The following PCDHGB3 variants were observed in gnomAD, a reference collection of about 807,000 sequenced individuals.
The protein encoded by PCDHGB3 is protocadherin gamma-B3.
Under a neutral mutation model 59.2 loss-of-function variants are expected in PCDHGB3, and 40 were observed. The ratio of observed to expected loss-of-function variants is 0.68; its 90% CI spans 0.52 to 0.88. The LOEUF is 0.88. Among genes scored for constraint, PCDHGB3 ranks in the 40% least tolerant of loss-of-function variants. The probability of loss-of-function intolerance (pLI) is 0.00; values close to 1 mark genes in which losing one functional copy is unlikely to be tolerated. For synonymous variants in PCDHGB3, 581 were observed against 503.6 expected, an observed-to-expected ratio of 1.15 and a Z score of -2.06; for missense variants, 1,309 against 1,187.9, an observed-to-expected ratio of 1.10 and a Z score of -1.50.
At chr5:141,435,103 G>A (rs1468698388) in intron 1 of PCDHGB3, among the ~76,000 whole-genome samples, 2 of 151,914 alleles carry the variant, frequency 1.3e-5, no homozygotes, top group African/African-American at 2.4e-5. Flanking sequence ...TTTATCTAGG[G>A]GGGAGAAATC....
chr5:141,395,182 C>A (rs143509166), intron 1 of PCDHGB3: 1 of 1,614,114 alleles, frequency 6.2e-7, no homozygotes, highest in South Asian at 1.1e-5. Context: ...AAAAATGATT[C>A]TTTGTTAACA....
chr5:141,474,557 G>A (rs1261720500), intron 1 of PCDHGB3, among the ~76,000 whole-genome samples: 1 of 152,184 alleles, frequency 6.6e-6, no homozygotes, highest in African/African-American at 2.4e-5. Context: ...AAAACTGGGG[G>A]TTTTCAGAGA....
intron 2 of PCDHGB3, among the ~76,000 whole-genome samples, chr5:141,502,654 C>T (rs1424933188): frequency 6.6e-6 from 1 of 152,230 alleles, no homozygotes; most frequent in South Asian, 2.1e-4. Context: ...TAGGCAGCAA[C>T]CCTTCATGCA....
At chr5:141,394,657 G>A (rs1179529074) in intron 1 of PCDHGB3, 2 of 1,613,220 alleles carry the variant, frequency 1.2e-6, no homozygotes, top group East Asian at 2.2e-5. Flanking sequence ...AGCGAGCCGG[G>A]ACTCTTCTCG....
At chr5:141,404,910 CT>C (rs1185141572) in intron 1 of PCDHGB3, 10 of 1,613,936 alleles carry the variant, frequency 6.2e-6, no homozygotes, top group Non-Finnish European at 8.5e-6. Flanking sequence ...GGCCAGCCCC[CT>C]CTCTCGGCCA....
intron 1 of PCDHGB3, chr5:141,420,034 C>T (rs373590502): frequency 7.8e-5 from 126 of 1,613,970 alleles, no homozygotes; most frequent in Non-Finnish European, 9.3e-5. Context: ...CTGCAGGAGA[C>T]TGCTTTGAGT....
At chr5:141,457,715 CA>C (rs2098928510) in intron 1 of PCDHGB3, among the ~76,000 whole-genome samples, 2 of 152,212 alleles carry the variant, frequency 1.3e-5, no homozygotes, top group Non-Finnish European at 2.9e-5. Flanking sequence ...CACTGTTCCA[CA>C]AGGAATTTCA....
intron 1 of PCDHGB3, chr5:141,374,885 G>T: frequency 6.2e-7 from 1 of 1,613,628 alleles, no homozygotes; most frequent in South Asian, 1.1e-5. Flanking sequence ...GACTGCCACC[G>T]ACCAGGATGA....
rs1340147578 is a variant in PCDHGB3, at chr5:141,487,141, T to C, written c.2416-7666T>C. On this transcript the variant is annotated intron_variant, in intron 1 of 3. Transcript: ENST00000576222. This position sits in a 1 kb window ranked among gnomAD's most constrained non-coding sequence, Gnocchi z 5.0. ...AGGATAGTGGTAGTCCACCACTCTCTACCTCTGTTACTCTCTTAGTGTCCT... is the reference window on the plus strand; with the variant it reads ...AGGATAGTGGTAGTCCACCACTCTCCACCTCTGTTACTCTCTTAGTGTCCT... The C allele has an allele frequency of 1.2e-6, 2 of 1,613,882 alleles. No individual in the cohort carries two copies. Among genetic ancestry groups the C allele is most frequent in the African/African-American group, 2.7e-5 (2 of 74,934 alleles).
At chr5:141,496,617 A>G (rs2099769939) in intron 2 of PCDHGB3, among the ~76,000 whole-genome samples, 2 of 152,236 alleles carry the variant, frequency 1.3e-5, no homozygotes, top group Admixed American at 1.3e-4. Flanking sequence ...AAAAAGCAGC[A>G]GATCAAAAGG....
chr5:141,461,347 G>C (rs2154567331), intron 1 of PCDHGB3, among the ~76,000 whole-genome samples: 1 of 152,242 alleles, frequency 6.6e-6, no homozygotes, highest in Admixed American at 6.5e-5. Flanking sequence ...GGACCAAGGT[G>C]GTAGCTCGTT....
At chr5:141,469,362 G>GT (rs1212141268) in intron 1 of PCDHGB3, among the ~76,000 whole-genome samples, 4 of 152,084 alleles carry the variant, frequency 2.6e-5, no homozygotes, top group Non-Finnish European at 5.9e-5. Flanking sequence ...GGATCATGAG[G>GT]TAAAGAGATC....
chr5:141,495,873 C>G (rs2099764359), intron 2 of PCDHGB3, among the ~76,000 whole-genome samples: 1 of 152,146 alleles, frequency 6.6e-6, no homozygotes, highest in Admixed American at 6.6e-5. Flanking sequence ...CTGCTTTCCT[C>G]TCTGTTCTTT....
intron 1 of PCDHGB3, chr5:141,394,165 C>G (rs1228690548): frequency 6.2e-7 from 1 of 1,613,930 alleles, no homozygotes; most frequent in African/African-American, 1.3e-5. Flanking sequence ...AACCCTCCTA[C>G]TTTCCCTCAT....
rs2097461148 is a variant in PCDHGB3 at position 141,432,174 on chromosome 5, T to C, written c.2415+59365T>C. ...AACAATCCCAGAGGAGTTTCCCTCGTCTCTGTGACCGCCCACGACCCCGAC... is the reference window on the plus strand; with the variant it reads ...AACAATCCCAGAGGAGTTTCCCTCGCCTCTGTGACCGCCCACGACCCCGAC... On this transcript the variant is annotated intron_variant, in intron 1 of 3. Transcript: ENST00000576222. The surrounding 1 kb of genome is among the most constrained non-coding windows in gnomAD (Gnocchi z 6.0). 1 of 1,614,088 alleles carries C rather than the reference T, an allele frequency of 6.2e-7. No homozygotes were observed. Among genetic ancestry groups the C allele is most frequent in the Non-Finnish European group, 8.5e-7 (1 of 1,180,022 alleles).
At position 141,511,349 on chromosome 5, in the gene PCDHGB3, C is replaced by CG; in HGVS notation, c.*176_*177insG. On this transcript the variant is annotated 3_prime_UTR_variant, in exon 4 of 4. Coordinates refer to ENST00000576222, the MANE Select transcript of PCDHGB3 (RefSeq NM_018924.5). The stretch of plus-strand genomic sequence containing the variant: ...GCCCAGTCAGCACCTACCCCTTCCC[C>CG]CCCAGGGGGTTGAATATGCAAAAGC... 7.1e-7 allele frequency: 1 copy of CG among 1,401,498 alleles called. No homozygotes were observed. Among genetic ancestry groups the CG allele is most frequent in the African/African-American group, 1.5e-5 (1 of 68,948 alleles). 86.8% of individuals were successfully genotyped at this position (1,401,498 alleles called of 1,614,324 possible).
At chr5:141,415,791 C>G (rs2095959265) in intron 1 of PCDHGB3, 4 of 1,341,886 alleles carry the variant, frequency 3.0e-6, no homozygotes, top group Admixed American at 8.1e-5. Context: ...GTAAAATTCA[C>G]CTAGTCTCAA....
At chr5:141,429,945 T>C (rs1443623730) in intron 1 of PCDHGB3, among the ~76,000 whole-genome samples, 1 of 152,222 alleles carries the variant, frequency 6.6e-6, no homozygotes, top group East Asian at 1.9e-4. Flanking sequence ...ACTTCCATTA[T>C]TTCCAGTCAA....
chr5:141,487,391 A>C lies in PCDHGB3; in HGVS notation c.2416-7416A>C. 1 of 1,614,090 alleles carries C rather than the reference A, an allele frequency of 6.2e-7. No homozygotes were observed. The highest frequency in any genetic ancestry group is 1.1e-5 in the South Asian group (1 of 91,078). ...TGCCTGTCTCACCAGATCTCGAAGG[A>C]GGGAGGGGCTTCCCCCTTCCAATGG... On this transcript the variant is annotated intron_variant, in intron 1 of 3. Transcript: ENST00000576222. The surrounding 1 kb of genome is among the most constrained non-coding windows in gnomAD (Gnocchi z 5.0).
Sources: gnomAD v4.1 joint callset for allele counts (sites outside exome capture counted in the v4.1 genomes callset) on GRCh38, gnomAD v4.1.1 for gene constraint, Gnocchi (gnomAD v3.1) non-coding constraint, MANE v1.5 for transcripts, NCBI Gene and HGNC (gene_info 2026-07-23, HGNC 2026-07-21) for gene names.